The following ARPP21 variants were observed in gnomAD, a reference collection of about 807,000 sequenced individuals.
ARPP21 encodes cAMP regulated phosphoprotein 21.
ARPP21 carries 69 observed loss-of-function variants against 113.2 expected under a neutral mutation model. The observed-to-expected ratio is 0.61, with a 90% confidence interval of 0.50 to 0.74. The LOEUF (loss-of-function observed/expected upper bound fraction) is 0.74, where lower values mean the gene tolerates loss of function less well. Among genes scored for constraint, ARPP21 ranks in the 30% least tolerant of loss-of-function variants. ARPP21 has a pLI of 0.00. For synonymous variants in ARPP21, 368 were observed against 375.5 expected, an observed-to-expected ratio of 0.98 and a Z score of 0.23; for missense variants, 1,070 against 1,037.4, an observed-to-expected ratio of 1.03 and a Z score of -0.43.
chr3:35,687,619 AG>A, intron 5 of ARPP21, 119 bp from the exon 6 acceptor site: 3 of 860,646 alleles, frequency 3.5e-6, no homozygotes, highest in Non-Finnish European at 5.3e-6. Flanking sequence ...TTTACCATTT[AG>A]AAAAAAAAAA....
intron 1 of ARPP21, among the ~76,000 whole-genome samples, chr3:35,673,305 G>A (rs963530143): frequency 6.6e-6 from 1 of 152,032 alleles, no homozygotes; most frequent in Non-Finnish European, 1.5e-5. Flanking sequence ...TGTGATCACA[G>A]ATTCTATATG....
At chr3:35,695,626 A>G (rs757191954) in intron 9 of ARPP21, among the ~76,000 whole-genome samples, 9 of 151,648 alleles carry the variant, frequency 5.9e-5, no homozygotes, top group East Asian at 2.0e-4. Flanking sequence ...TTCATTGGGG[A>G]CTACCTGCCC....
At chr3:35,703,728 C>T (rs1052881436) in intron 9 of ARPP21, among the ~76,000 whole-genome samples, 1 of 151,678 alleles carries the variant, frequency 6.6e-6, no homozygotes, top group African/African-American at 2.4e-5. Flanking sequence ...AATACCACCA[C>T]CTTTTGCAGT....
rs1254809608 is a variant in ARPP21 at position 35,639,749 on chromosome 3, C to T, written c.-862C>T. ...GCTCCCTCCCTCCACACGCCCTCCT[C>T]TTACCGAGCGAAGCGGCCAGGGGCA... On this transcript the variant is annotated 5_prime_UTR_variant, in exon 1 of 21. Coordinates refer to ENST00000684406, the MANE Select transcript of ARPP21 (RefSeq NM_001385562.1). The surrounding 1 kb of genome is among the most constrained non-coding windows in gnomAD (Gnocchi z 5.0). The T allele has an allele frequency of 6.5e-6, 1 of 153,044 alleles. No homozygotes were observed. The highest frequency in any genetic ancestry group is 6.5e-5 in the Admixed American group (1 of 15,294). 9.5% of individuals were successfully genotyped at this position (153,044 alleles called of 1,614,324 possible).
At chr3:35,708,000 A>ATGCATC (rs2089825649) in intron 10 of ARPP21, among the ~76,000 whole-genome samples, 1 of 152,120 alleles carries the variant, frequency 6.6e-6, no homozygotes, top group Non-Finnish European at 1.5e-5. Flanking sequence ...GTAAGACAAT[A>ATGCATC]TGCATCTCAA....
At chr3:35,702,833 T>A (rs1476738922) in intron 9 of ARPP21, among the ~76,000 whole-genome samples, 1 of 151,856 alleles carries the variant, frequency 6.6e-6, no homozygotes, top group Non-Finnish European at 1.5e-5. Context: ...AACTAAGACT[T>A]TCCTATTTTC....
Position 35,737,284 on chromosome 3 carries a change from A to G in ARPP21, c.1566A>G (p.Pro522=). ...AMVGQSQQQP[P]QQQPSPQPQQ... ...TGGGGCAGTCCCAACAGCAGCCACC[A>G]CAGCAGCAGCCCTCCCCGCAGCCCC... The change falls in exon 16 of 21, where the codon CCA becomes CCG. Residue 522 remains proline, a synonymous_variant. Coordinates refer to ENST00000684406, the MANE Select transcript of ARPP21 (RefSeq NM_001385562.1). The G allele has an allele frequency of 6.2e-7, 1 of 1,612,806 alleles. No homozygotes were observed. The highest frequency in any genetic ancestry group is 1.3e-5 in the African/African-American group (1 of 75,032).
intron 19 of ARPP21, among the ~76,000 whole-genome samples, chr3:35,772,377 G>T (rs1476483336): frequency 6.6e-6 from 1 of 152,126 alleles, no homozygotes; most frequent in Non-Finnish European, 1.5e-5. Flanking sequence ...ATCCAGTTTA[G>T]CCCAGGCCCC....
At chr3:35,722,894 C>T (rs1559747508) in intron 14 of ARPP21, among the ~76,000 whole-genome samples, 1 of 152,172 alleles carries the variant, frequency 6.6e-6, no homozygotes, top group Non-Finnish European at 1.5e-5. Flanking sequence ...CTCCTAAAAT[C>T]TCAGGAAGGT....
At chr3:35,647,456 A>C (rs1700660959) in intron 1 of ARPP21, among the ~76,000 whole-genome samples, 1 of 152,146 alleles carries the variant, frequency 6.6e-6, no homozygotes. Context: ...GTAGGCTAGT[A>C]GCTTATCTGA....
intron 13 of ARPP21, among the ~76,000 whole-genome samples, chr3:35,719,202 G>T (rs2092795085): frequency 6.6e-6 from 1 of 151,772 alleles, no homozygotes; most frequent in African/African-American, 2.4e-5. Context: ...TTCAATACTG[G>T]ACCGCACTTC....
Position 35,684,616 on chromosome 3 carries a change from A to C in ARPP21, c.261+801A>C, listed in dbSNP as rs1196053653. On this transcript the variant is annotated intron_variant, in intron 5 of 20. Coordinates refer to ENST00000684406, the MANE Select transcript of ARPP21 (RefSeq NM_001385562.1). ...AGTCAAGACAAAAGTAAAATGGTTT[A>C]CCTGAGCCCAGGGGAGGGAAAATTG... is the stretch of plus-strand genomic sequence containing the variant. 3 of 985,338 alleles carry C rather than the reference A, an allele frequency of 3.0e-6. No individual in the cohort carries two copies. The African/African-American group carries it at 5.2e-5, about 17-fold the overall frequency. The allele number at this position is 985,338 out of a possible 1,614,324, so 61.0% of individuals were successfully genotyped here.
At chr3:35,655,633 G>A (rs1009258832) in intron 1 of ARPP21, among the ~76,000 whole-genome samples, 4 of 151,956 alleles carry the variant, frequency 2.6e-5, no homozygotes, top group Non-Finnish European at 5.9e-5. Context: ...AATGCCAATT[G>A]GTGATTCAGG....
At chr3:35,763,625 G>A (rs747751134) in intron 19 of ARPP21, among the ~76,000 whole-genome samples, 5 of 152,034 alleles carry the variant, frequency 3.3e-5, no homozygotes, top group African/African-American at 7.2e-5. Context: ...ATCCTTTAGC[G>A]GCTATTGTAA....
chr3:35,719,616 G>C (rs1164705845), intron 13 of ARPP21, among the ~76,000 whole-genome samples: 1 of 152,078 alleles, frequency 6.6e-6, no homozygotes. Flanking sequence ...CAGAAAGTCT[G>C]GATTCCTGCC....
intron 11 of ARPP21, among the ~76,000 whole-genome samples, chr3:35,710,327 A>G (rs1263312185): frequency 6.6e-6 from 1 of 152,162 alleles, no homozygotes; most frequent in African/African-American, 2.4e-5. Flanking sequence ...TGCAAAATAC[A>G]GCCTGACATA....
At chr3:35,782,471 G>A (rs1281787286) in intron 19 of ARPP21, among the ~76,000 whole-genome samples, 4 of 152,038 alleles carry the variant, frequency 2.6e-5, no homozygotes, top group Non-Finnish European at 5.9e-5. Context: ...ACAGCATTTG[G>A]TTGTAACTCC....
chr3:35,733,835 G>T (rs4678803), intron 15 of ARPP21, among the ~76,000 whole-genome samples: 1 of 151,870 alleles, frequency 6.6e-6, no homozygotes, highest in Non-Finnish European at 1.5e-5. Context: ...CTACTTAAGC[G>T]AATCCTTAGT....
chr3:35,789,166 T>A (rs2096693148), intron 19 of ARPP21, among the ~76,000 whole-genome samples: 1 of 152,244 alleles, frequency 6.6e-6, no homozygotes, highest in African/African-American at 2.4e-5. Context: ...AGCTAAGAAT[T>A]GACAAACTGG....
Sources: gnomAD v4.1 joint callset for allele counts (sites outside exome capture counted in the v4.1 genomes callset) on GRCh38, gnomAD v4.1.1 for gene constraint, Gnocchi (gnomAD v3.1) non-coding constraint, MANE v1.5 for transcripts, NCBI Gene and HGNC (gene_info 2026-07-23, HGNC 2026-07-21) for gene names.